The following SHANK2 variants were observed in gnomAD, a reference collection of about 807,000 sequenced individuals.
SHANK2 encodes SH3 and multiple ankyrin repeat domains protein 2.
In SHANK2, 43 loss-of-function variants were observed where a neutral mutation model predicts 133.7. The ratio of observed to expected loss-of-function variants is 0.32; its 90% CI spans 0.25 to 0.41. The LOEUF is 0.41. SHANK2 is among the 10% of genes least tolerant of loss of function. The pLI, the probability that SHANK2 is intolerant of heterozygous loss-of-function variation, is 1.00. For missense variants in SHANK2, 1,994 were observed against 2,235.8 expected (o/e 0.89, Z 2.18); for synonymous variants, 1,017 against 952.8 (o/e 1.07, Z -1.24).
intron 10 of SHANK2, among the ~76,000 whole-genome samples, chr11:70,898,762 A>G (rs1949979306): frequency 6.6e-6 from 1 of 152,216 alleles, no homozygotes; most frequent in Non-Finnish European, 1.5e-5. Flanking sequence ...GAAGATTTGG[A>G]AGATTCTCAG....
chr11:70,695,350 T>TG lies in SHANK2; in HGVS notation c.1853+3337dup, dbSNP rs574558759. ...TGTATTCTACCACAGTAAGAAAAAA[T>TG]GGGGGGGTGGGGAAAGAATGAAGTA... On this transcript the variant is annotated intron_variant, in intron 15 of 25. Transcript: ENST00000601538. Among the ~76,000 whole-genome samples, 188 of 145,694 alleles carry TG rather than the reference T, an allele frequency of 1.3e-3. 1 individual carries two copies. The South Asian group carries it at 0.018, about 14-fold the overall frequency.
chr11:71,152,592 C>T (rs1319108140), intron 2 of SHANK2, among the ~76,000 whole-genome samples: 1 of 152,208 alleles, frequency 6.6e-6, no homozygotes, highest in African/African-American at 2.4e-5. Flanking sequence ...ACTCCTGTGT[C>T]CCCTTGGTAC....
intron 11 of SHANK2, among the ~76,000 whole-genome samples, chr11:70,876,746 A>G (rs959062972): frequency 6.6e-6 from 1 of 152,168 alleles, no homozygotes; most frequent in African/African-American, 2.4e-5. Flanking sequence ...AAGTGAAGGC[A>G]GGAAATAACA....
chr11:71,108,613 C>T (rs925756032), intron 6 of SHANK2, among the ~76,000 whole-genome samples: 1 of 152,232 alleles, frequency 6.6e-6, no homozygotes, highest in South Asian at 2.1e-4. Flanking sequence ...GCCTTGTCCA[C>T]GTCACTGCCC....
At chr11:70,547,343 C>A (rs1430717139) in intron 17 of SHANK2, among the ~76,000 whole-genome samples, 6 of 152,190 alleles carry the variant, frequency 3.9e-5, no homozygotes, top group Admixed American at 2.6e-4. Flanking sequence ...TCACTGCAAC[C>A]TCCACCTCTT....
intron 1 of SHANK2, among the ~76,000 whole-genome samples, chr11:71,246,158 C>T (rs543919414): frequency 8.5e-5 from 13 of 152,090 alleles, no homozygotes; most frequent in African/African-American, 3.1e-4. Context: ...TTCCCACCTC[C>T]CAGGAGCCCG....
At chr11:70,501,885 A>C in intron 20 of SHANK2, 38 bp downstream of exon 20, 1 of 1,556,012 alleles carries the variant, frequency 6.4e-7, no homozygotes, top group Middle Eastern at 1.7e-4. Context: ...CCTAGACAGC[A>C]GGGGGAGCTG....
At chr11:71,120,552 A>C (rs1419516979) in intron 3 of SHANK2, among the ~76,000 whole-genome samples, 2 of 152,144 alleles carry the variant, frequency 1.3e-5, no homozygotes, top group Non-Finnish European at 2.9e-5. Context: ...CCCTGCCAGG[A>C]AACCTGACCC....
chr11:71,138,790 C>CAAAAA (rs58396625), intron 3 of SHANK2, among the ~76,000 whole-genome samples: 1 of 82,900 alleles, frequency 1.2e-5, no homozygotes, highest in Non-Finnish European at 2.5e-5. Context: ...GACCCTATCT[C>CAAAAA]AAAAAAAAAA....
At chr11:70,887,072 G>A (rs1555073665) in intron 11 of SHANK2, among the ~76,000 whole-genome samples, 1 of 152,102 alleles carries the variant, frequency 6.6e-6, no homozygotes. Context: ...GTAAAAAATA[G>A]GTTATCCCAG....
intron 14 of SHANK2, among the ~76,000 whole-genome samples, chr11:70,711,247 C>T (rs191846382): frequency 2.0e-5 from 3 of 152,288 alleles, no homozygotes; most frequent in Admixed American, 6.5e-5. Context: ...CCCTTCCTGC[C>T]GTTTAGAGGG....
intron 14 of SHANK2, among the ~76,000 whole-genome samples, chr11:70,746,024 G>A (rs1946629834): frequency 6.6e-6 from 1 of 152,196 alleles, no homozygotes. Flanking sequence ...GCCAACCCAG[G>A]GCCTGGGGGC....
intron 17 of SHANK2, among the ~76,000 whole-genome samples, chr11:70,581,804 G>A (rs960372892): frequency 2.0e-5 from 3 of 152,222 alleles, no homozygotes; most frequent in African/African-American, 7.2e-5. Flanking sequence ...TGGAACTGGA[G>A]GAACTCACCC....
chr11:71,126,653 C>G (rs1373068901), intron 3 of SHANK2, among the ~76,000 whole-genome samples: 2 of 151,738 alleles, frequency 1.3e-5, no homozygotes, highest in Admixed American at 6.6e-5. Context: ...TAAGAATATT[C>G]ATGTTTCATA....
intron 2 of SHANK2, among the ~76,000 whole-genome samples, chr11:71,193,983 C>T (rs1953846309): frequency 6.6e-6 from 1 of 152,224 alleles, no homozygotes; most frequent in African/African-American, 2.4e-5. Context: ...GGGGTTAGAG[C>T]TTCAACCTGT....
chr11:70,741,830 G>A (rs576497620), intron 14 of SHANK2, among the ~76,000 whole-genome samples: 1 of 152,318 alleles, frequency 6.6e-6, no homozygotes, highest in Admixed American at 6.5e-5. Context: ...AGTCACAACT[G>A]GCAAGGAGTA....
intron 3 of SHANK2, among the ~76,000 whole-genome samples, chr11:71,132,462 T>C (rs1952335236): frequency 6.6e-6 from 1 of 152,148 alleles, no homozygotes; most frequent in Non-Finnish European, 1.5e-5. Context: ...CTTGTAGTAA[T>C]TCCAGACCAA....
At chr11:70,872,935 C>T in intron 11 of SHANK2, 1 of 461,668 alleles carries the variant, frequency 2.2e-6, no homozygotes, top group Non-Finnish European at 4.5e-6. Flanking sequence ...CCACTGTCTG[C>T]CCTCTCCCCA....
chr11:71,249,982 T>C (rs1948151413), intron 1 of SHANK2, among the ~76,000 whole-genome samples: 1 of 152,134 alleles, frequency 6.6e-6, no homozygotes. Flanking sequence ...TGGCCCTGCA[T>C]ACAACCCTAA....
Sources: allele counts gnomAD v4.1 joint callset (sites outside exome capture counted in the v4.1 genomes callset), GRCh38; gene constraint gnomAD v4.1.1; transcripts MANE v1.5; gene names NCBI Gene and HGNC (gene_info 2026-07-23, HGNC 2026-07-21).